Variants in NXPH1 observed in about 807,000 individuals in gnomAD.
The protein encoded by NXPH1 is neurexophilin-1.
NXPH1 carries 5 observed loss-of-function variants against 23.7 expected under a neutral mutation model. That is an observed-to-expected ratio of 0.21 (90% confidence interval 0.11 to 0.44). NXPH1 has a LOEUF of 0.44. Ranked by LOEUF, NXPH1 falls within the 20% of genes least tolerant of loss-of-function variation. NXPH1 has a pLI of 0.99. For missense variants in NXPH1, 324 were observed against 321.6 expected (o/e 1.01, Z -0.06); for synonymous variants, 144 against 122.2 (o/e 1.18, Z -1.18).
intron 2 of NXPH1, among the ~76,000 whole-genome samples, chr7:8,656,531 G>A (rs1253714864): frequency 6.7e-6 from 1 of 148,386 alleles, no homozygotes; most frequent in Admixed American, 6.7e-5. Flanking sequence ...TTTTTCAGAG[G>A]GTGGTTTTTC....
chr7:8,731,584 G>T (rs1224602255), intron 2 of NXPH1, among the ~76,000 whole-genome samples: 1 of 152,164 alleles, frequency 6.6e-6, no homozygotes, highest in Admixed American at 6.5e-5. Flanking sequence ...CTGCAGGTCT[G>T]TTGGAGTACT....
intron 2 of NXPH1, among the ~76,000 whole-genome samples, chr7:8,451,127 A>G (rs1014621568): frequency 6.1e-5 from 8 of 130,728 alleles, no homozygotes; most frequent in Admixed American, 3.9e-4. Context: ...TTTTTTTTCA[A>G]CTATCATCTG....
At chr7:8,503,806 G>A (rs1213175411) in intron 2 of NXPH1, among the ~76,000 whole-genome samples, 22 of 151,902 alleles carry the variant, frequency 1.4e-4, no homozygotes, top group East Asian at 1.9e-4. Context: ...CGGTTCATCC[G>A]GAACACCATC....
Position 8,643,298 on chromosome 7 carries a change from T to A in NXPH1, c.55-107710T>A, listed in dbSNP as rs1324120206. 3.3e-5 allele frequency among the ~76,000 whole-genome samples: 5 copies of A among 152,188 alleles called. No homozygotes were observed. In the East Asian group the frequency reaches 9.6e-4, roughly 29 times the overall value. On this transcript the variant is annotated intron_variant, in intron 2 of 2. Transcript: ENST00000405863. Reference sequence around the variant, plus strand: ...AATAATATATGTATATGTACATATATATTCTTATACATGTGTAATTTTGCA... The same window carrying A: ...AATAATATATGTATATGTACATATAAATTCTTATACATGTGTAATTTTGCA...
At position 8,462,715 on chromosome 7, in the gene NXPH1, A is replaced by G. The variant is rs545947348; in HGVS notation, c.54+26948A>G. On this transcript the variant is annotated intron_variant, in intron 2 of 2. Transcript: ENST00000405863. ...TAGATATCTCAAAACAACATGTTGT[A>G]CATGATATATACAATTTTTATTTGC... Among the ~76,000 whole-genome samples the G allele has an allele frequency of 2.0e-5, 3 of 152,390 alleles. No homozygotes were observed. The South Asian group carries it at 6.2e-4, about 32-fold the overall frequency.
At chr7:8,596,684 T>C (rs1480337445) in intron 2 of NXPH1, among the ~76,000 whole-genome samples, 1 of 152,150 alleles carries the variant, frequency 6.6e-6, no homozygotes, top group Non-Finnish European at 1.5e-5. Flanking sequence ...TATATTATCA[T>C]GATCCTTATT....
rs1442043760 is a variant in NXPH1, at chr7:8,442,209, A to C, written c.54+6442A>C. Among the ~76,000 whole-genome samples the C allele has an allele frequency of 1.3e-5, 2 of 152,220 alleles. No homozygotes were observed. The highest frequency in any genetic ancestry group is 2.1e-4 in the South Asian group (1 of 4,836). On this transcript the variant is annotated intron_variant, in intron 2 of 2. Coordinates refer to ENST00000405863, the MANE Select transcript of NXPH1 (RefSeq NM_152745.3). This position sits in a 1 kb window ranked among gnomAD's most constrained non-coding sequence, Gnocchi z 4.6. ...AAATACGATGGGGAGGGGGAGACAC[A>C]GGCCGCATCCAGAGCGCATCGCCTC...
intron 2 of NXPH1, among the ~76,000 whole-genome samples, chr7:8,543,211 C>T (rs1818145504): frequency 6.6e-6 from 1 of 151,538 alleles, no homozygotes; most frequent in Non-Finnish European, 1.5e-5. Context: ...CTCATCCACT[C>T]CCACCTATGT....
intron 2 of NXPH1, among the ~76,000 whole-genome samples, chr7:8,733,772 T>C (rs1011490706): frequency 2.0e-5 from 3 of 152,222 alleles, no homozygotes; most frequent in Non-Finnish European, 4.4e-5. Context: ...AGATTCTGGA[T>C]ATTAGCCCTT....
At chr7:8,450,359 A>C (rs1418707558) in intron 2 of NXPH1, among the ~76,000 whole-genome samples, 1 of 152,246 alleles carries the variant, frequency 6.6e-6, no homozygotes, top group African/African-American at 2.4e-5. Flanking sequence ...CAATTATACA[A>C]ACTATGAAAC....
chr7:8,482,832 T>C lies in NXPH1; in HGVS notation c.54+47065T>C, dbSNP rs534279823. On this transcript the variant is annotated intron_variant, in intron 2 of 2. Transcript: ENST00000405863. ...AGCGGGCCTTATCCCAGCATTGTGA[T>C]GGATGGTGTCTTGGATAGAATGGTT... 4.6e-5 allele frequency among the ~76,000 whole-genome samples: 7 copies of C among 152,298 alleles called. No homozygotes were observed. In the East Asian group the frequency reaches 1.4e-3, roughly 29 times the overall value.
intron 2 of NXPH1, among the ~76,000 whole-genome samples, chr7:8,612,076 A>G (rs779963336): frequency 6.6e-6 from 1 of 152,104 alleles, no homozygotes; most frequent in African/African-American, 2.4e-5. Context: ...TCAAGTTGTT[A>G]TAAAGCTAAT....
chr7:8,697,753 G>T (rs1356339494), intron 2 of NXPH1, among the ~76,000 whole-genome samples: 1 of 152,188 alleles, frequency 6.6e-6, no homozygotes, highest in Non-Finnish European at 1.5e-5. Context: ...AGAAGCCAGA[G>T]AAAGTCTCAG....
At chr7:8,712,020 T>C (rs1779804288) in intron 2 of NXPH1, among the ~76,000 whole-genome samples, 2 of 152,218 alleles carry the variant, frequency 1.3e-5, no homozygotes, top group Non-Finnish European at 2.9e-5. Context: ...TTGATCAGCT[T>C]GGCTTTTTAT....
chr7:8,698,224 A>G (rs975472448), intron 2 of NXPH1, among the ~76,000 whole-genome samples: 1 of 152,204 alleles, frequency 6.6e-6, no homozygotes, highest in African/African-American at 2.4e-5. Flanking sequence ...TTGAATACTC[A>G]ACTGAAGATT....
chr7:8,691,126 T>G (rs890994996), intron 2 of NXPH1, among the ~76,000 whole-genome samples: 2 of 152,146 alleles, frequency 1.3e-5, no homozygotes, highest in African/African-American at 4.8e-5. Context: ...TCCAATGAGT[T>G]CTTTTTAGAA....
chr7:8,444,744 T>A (rs1284692733), intron 2 of NXPH1, among the ~76,000 whole-genome samples: 1 of 152,210 alleles, frequency 6.6e-6, no homozygotes, highest in African/African-American at 2.4e-5. Context: ...AGTGAATCAA[T>A]CGCTGCAAAG....
intron 2 of NXPH1, among the ~76,000 whole-genome samples, chr7:8,505,659 T>G (rs955671307): frequency 3.9e-5 from 6 of 152,258 alleles, no homozygotes; most frequent in African/African-American, 1.2e-4. Flanking sequence ...ATTAGGTTTC[T>G]TATGTGATTA....
chr7:8,526,270 C>G (rs1363554943), intron 2 of NXPH1, among the ~76,000 whole-genome samples: 2 of 152,208 alleles, frequency 1.3e-5, no homozygotes, highest in African/African-American at 4.8e-5. Context: ...TCCAATTCCT[C>G]CCATATGGGG....
Sources: gnomAD v4.1 joint callset for allele counts (sites outside exome capture counted in the v4.1 genomes callset) on GRCh38, gnomAD v4.1.1 for gene constraint, Gnocchi (gnomAD v3.1) non-coding constraint, MANE v1.5 for transcripts, NCBI Gene and HGNC (gene_info 2026-07-23, HGNC 2026-07-21) for gene names.